The following GRM7 variants were observed in gnomAD, a reference collection of about 807,000 sequenced individuals.
GRM7 encodes metabotropic glutamate receptor 7.
Under a neutral mutation model 84.5 loss-of-function variants are expected in GRM7, and 35 were observed. The observed-to-expected ratio is 0.41, with a 90% CI of 0.32 to 0.55. The LOEUF (loss-of-function observed/expected upper bound fraction) is 0.55, where lower values mean the gene tolerates loss of function less well. GRM7 is among the 20% of genes least tolerant of loss of function. The probability of loss-of-function intolerance (pLI) is 0.19; values close to 1 mark genes in which losing one functional copy is unlikely to be tolerated. For synonymous variants in GRM7, 487 were observed against 455.1 expected, an observed-to-expected ratio of 1.07 and a Z score of -0.89; for missense variants, 1,003 against 1,194.6, an observed-to-expected ratio of 0.84 and a Z score of 2.36.
At chr3:7,305,330 C>CTTTTTTTTTTTTTTTTTT (rs796779715) in intron 3 of GRM7, among the ~76,000 whole-genome samples, 1 of 86,930 alleles carries the variant, frequency 1.2e-5, no homozygotes, top group African/African-American at 4.2e-5. Context: ...TATGCTGCTG[C>CTTTTTTTTTTTTTTTTTT]TTTTTTTTTT....
chr3:7,096,610 T>G (rs1382572861), intron 1 of GRM7, among the ~76,000 whole-genome samples: 1 of 152,034 alleles, frequency 6.6e-6, no homozygotes, highest in Non-Finnish European at 1.5e-5. Context: ...TTTTAATACA[T>G]AGGCACGACT....
chr3:7,141,795 A>G (rs1029065238), intron 1 of GRM7, among the ~76,000 whole-genome samples: 4 of 152,128 alleles, frequency 2.6e-5, no homozygotes, highest in Non-Finnish European at 5.9e-5. Flanking sequence ...AGAATTTAAT[A>G]TAGAACAAAA....
chr3:7,282,724 T>C (rs1699297568), intron 2 of GRM7, among the ~76,000 whole-genome samples: 1 of 152,200 alleles, frequency 6.6e-6, no homozygotes, highest in Non-Finnish European at 1.5e-5. Flanking sequence ...GATTGTGTTT[T>C]TTTTGCAGTG....
intron 9 of GRM7, among the ~76,000 whole-genome samples, chr3:7,710,075 A>C (rs1287076760): frequency 3.3e-5 from 5 of 152,138 alleles, no homozygotes; most frequent in Non-Finnish European, 7.4e-5. Flanking sequence ...ACTATGCATA[A>C]GTATGTATAT....
At chr3:7,585,796 C>A (rs1046735197) in intron 8 of GRM7, among the ~76,000 whole-genome samples, 2 of 152,110 alleles carry the variant, frequency 1.3e-5, no homozygotes, top group Non-Finnish European at 2.9e-5. Flanking sequence ...GCATCAGAGA[C>A]CATCTCTCAT....
At chr3:7,115,599 C>T (rs75280728) in intron 1 of GRM7, among the ~76,000 whole-genome samples, 1 of 152,078 alleles carries the variant, frequency 6.6e-6, no homozygotes, top group African/African-American at 2.4e-5. Flanking sequence ...AAGGGAAGGG[C>T]TAATCTATTA....
At chr3:7,320,043 T>C (rs1700718691) in intron 4 of GRM7, among the ~76,000 whole-genome samples, 2 of 152,020 alleles carry the variant, frequency 1.3e-5, no homozygotes, top group African/African-American at 4.8e-5. Context: ...TGTTGACTTA[T>C]CTTTCACTTT....
intron 4 of GRM7, among the ~76,000 whole-genome samples, chr3:7,366,214 C>G (rs1693886624): frequency 6.6e-6 from 1 of 151,834 alleles, no homozygotes; most frequent in South Asian, 2.1e-4. Context: ...TAGCCTAGAT[C>G]TGGATTCTAC....
intron 1 of GRM7, among the ~76,000 whole-genome samples, chr3:7,078,085 G>A (rs1253796090): frequency 1.3e-5 from 2 of 152,160 alleles, no homozygotes; most frequent in Non-Finnish European, 1.5e-5. Flanking sequence ...AGTGCTGCCT[G>A]CAGGCCATAG....
At chr3:6,972,295 G>A (rs1559360454) in intron 1 of GRM7, among the ~76,000 whole-genome samples, 1 of 152,130 alleles carries the variant, frequency 6.6e-6, no homozygotes, top group African/African-American at 2.4e-5. Flanking sequence ...GTTAGATTTT[G>A]AATACATTGG....
At chr3:7,436,927 T>TCAA (rs1697081267) in intron 5 of GRM7, among the ~76,000 whole-genome samples, 1 of 151,958 alleles carries the variant, frequency 6.6e-6, no homozygotes, top group Non-Finnish European at 1.5e-5. Context: ...TTTATCATCA[T>TCAA]CATCATCATC....
intron 1 of GRM7, among the ~76,000 whole-genome samples, chr3:7,086,830 A>T (rs1698473739): frequency 6.6e-6 from 1 of 152,222 alleles, no homozygotes; most frequent in Non-Finnish European, 1.5e-5. Flanking sequence ...CCAGGCTCAA[A>T]ATCTCAGGAC....
intron 7 of GRM7, among the ~76,000 whole-genome samples, chr3:7,528,955 T>C (rs1396157975): frequency 1.3e-5 from 2 of 152,076 alleles, no homozygotes; most frequent in African/African-American, 4.8e-5. Flanking sequence ...TCTTAGAGTA[T>C]GTTCATGTGC....
chr3:7,003,248 C>T (rs1373281490), intron 1 of GRM7, among the ~76,000 whole-genome samples: 4 of 152,046 alleles, frequency 2.6e-5, no homozygotes, highest in South Asian at 2.1e-4. Context: ...CTAATGTTCT[C>T]ACCACAAAAA....
rs139716283 is a variant in GRM7 at position 6,962,944 on chromosome 3, G to A, written c.519+101037G>A. On this transcript the variant is annotated intron_variant, in intron 1 of 9. Transcript: ENST00000357716. ...GTCTCTGGCTATCATCAATCATGAA[G>A]TGATTGTGAGGAAGTATACTTCAAG... 2.4e-3 allele frequency among the ~76,000 whole-genome samples: 358 copies of A among 152,336 alleles called. 1 individual carries two copies. The highest frequency in any genetic ancestry group is 8.3e-3 in the African/African-American group (347 of 41,572).
intron 1 of GRM7, among the ~76,000 whole-genome samples, chr3:7,001,630 A>T (rs1695016791): frequency 6.6e-6 from 1 of 152,228 alleles, no homozygotes; most frequent in East Asian, 1.9e-4. Context: ...AGTTACAGAT[A>T]AATTGAGTTA....
chr3:7,229,337 T>A (rs1373841857), intron 2 of GRM7, among the ~76,000 whole-genome samples: 1 of 152,128 alleles, frequency 6.6e-6, no homozygotes, highest in African/African-American at 2.4e-5. Context: ...TTAATTAATT[T>A]AATTCTCATA....
intron 2 of GRM7, among the ~76,000 whole-genome samples, chr3:7,178,690 T>C (rs912727229): frequency 3.3e-5 from 5 of 152,116 alleles, no homozygotes; most frequent in Non-Finnish European, 5.9e-5. Flanking sequence ...CCTAACACAG[T>C]TGGGTTTTCT....
chr3:7,203,634 TGTTA>T (rs1696139315), intron 2 of GRM7, among the ~76,000 whole-genome samples: 1 of 152,184 alleles, frequency 6.6e-6, no homozygotes, highest in Non-Finnish European at 1.5e-5. Context: ...CTGGATCGTA[TGTTA>T]GTTCTATTTA....
Sources: allele counts gnomAD v4.1 joint callset (sites outside exome capture counted in the v4.1 genomes callset), GRCh38; gene constraint gnomAD v4.1.1; transcripts MANE v1.5; gene names NCBI Gene and HGNC (gene_info 2026-07-23, HGNC 2026-07-21).